The following PRRC2C variants were observed in gnomAD, a reference collection of about 807,000 sequenced individuals.
PRRC2C encodes the protein proline rich coiled-coil 2C.
Under a neutral mutation model 317.2 loss-of-function variants are expected in PRRC2C, and 72 were observed. The observed-to-expected ratio is 0.23, with a 90% CI of 0.19 to 0.28. The LOEUF (loss-of-function observed/expected upper bound fraction) is 0.28, where lower values mean the gene tolerates loss of function less well. PRRC2C is among the 10% of genes least tolerant of loss of function. The pLI is 1.00. For synonymous variants in PRRC2C, 1,296 were observed against 1,205.9 expected, an observed-to-expected ratio of 1.07 and a Z score of -1.55; for missense variants, 3,074 against 3,459.7, an observed-to-expected ratio of 0.89 and a Z score of 2.80.
chr1:171,535,285 G>A, intron 12 of PRRC2C, 143 bp from the exon 13 acceptor site: 1 of 668,696 alleles, frequency 1.5e-6, no homozygotes, highest in Non-Finnish European at 2.3e-6. Context: ...AACTACCAAT[G>A]TTAAAGTAGA....
intron 9 of PRRC2C, 67 bp downstream of exon 9, chr1:171,523,589 A>G (rs1008588849): frequency 3.1e-6 from 4 of 1,295,118 alleles, no homozygotes; most frequent in African/African-American, 1.5e-5. Context: ...TACTTATGCA[A>G]AGAAGCTTTG....
chr1:171,569,127 A>G (rs1247082879), intron 23 of PRRC2C, among the ~76,000 whole-genome samples: 2 of 152,100 alleles, frequency 1.3e-5, no homozygotes, highest in Non-Finnish European at 2.9e-5. Context: ...CTTATTTTGG[A>G]GAGAGGTATG....
intron 22 of PRRC2C, among the ~76,000 whole-genome samples, chr1:171,567,326 C>T (rs544251069): frequency 2.2e-3 from 332 of 152,086 alleles, no homozygotes; most frequent in African/African-American, 7.7e-3. Flanking sequence ...TTGAATGAAA[C>T]GTGTATCTAA....
chr1:171,574,807 TTG>T (rs373614664), intron 24 of PRRC2C, 118 bp from the exon 25 acceptor site: 61 of 915,120 alleles, frequency 6.7e-5, no homozygotes, highest in Non-Finnish European at 8.6e-5. Context: ...TTAAATATCT[TTG>T]TGTGTGTGTG....
rs145112901 is a variant in PRRC2C, at chr1:171,557,392, C to A, written c.5280C>A (p.Thr1760=). 3 of 1,551,722 alleles carry A rather than the reference C, an allele frequency of 1.9e-6. No homozygotes were observed. The African/African-American group carries it at 4.1e-5, about 21-fold the overall frequency. The stretch of plus-strand genomic sequence containing the variant: ...CTTCGGCTCCACTTCCACCTTCAAC[C>A]TCAGCTTCAGTTCCAGCCTCAACCT... The part of the protein sequence containing the change: ...PLASAPLPPS[T]SASVPASTSA... The change falls in exon 19 of 35, where the codon ACC becomes ACA. Residue 1760 remains threonine, a synonymous_variant. Coordinates refer to ENST00000647382, the MANE Select transcript of PRRC2C (RefSeq NM_001387844.1).
rs145655705 is a variant in PRRC2C, at chr1:171,524,679, A to G, written c.1056-142A>G. 8.8e-4 allele frequency: 685 copies of G among 778,486 alleles called. 7 individuals carry two copies. In the African/African-American group the frequency reaches 0.011, roughly 13 times the overall value. 48.2% of individuals were successfully genotyped at this position (778,486 alleles called of 1,614,324 possible). A position where few individuals can be genotyped will look rare whatever the true frequency, so the allele number is the denominator to read the frequency against. ...TTATTGAAAGAACAAATTAGCACTAATGGGTCACACACCCATCTCATTCCT... is the reference window on the plus strand; with the variant it reads ...TTATTGAAAGAACAAATTAGCACTAGTGGGTCACACACCCATCTCATTCCT... On this transcript the variant is annotated intron_variant, in intron 9 of 34. Coordinates refer to ENST00000647382, the MANE Select transcript of PRRC2C (RefSeq NM_001387844.1).
At chr1:171,588,971 A>C (rs1572172834) in intron 33 of PRRC2C, among the ~76,000 whole-genome samples, 1 of 152,228 alleles carries the variant, frequency 6.6e-6, no homozygotes, top group Admixed American at 6.5e-5. Context: ...CACAAACTAG[A>C]ACTGGTTCCT....
At chr1:171,487,551 G>T (rs1279408292) in intron 1 of PRRC2C, among the ~76,000 whole-genome samples, 1 of 152,064 alleles carries the variant, frequency 6.6e-6, no homozygotes, top group Non-Finnish European at 1.5e-5. Context: ...CTATTTGAGT[G>T]CTTAGAGATA....
At chr1:171,507,060 T>C (rs76720799) in intron 1 of PRRC2C, among the ~76,000 whole-genome samples, 21,382 of 151,844 alleles carry the variant, frequency 0.14, 1,480 homozygotes, top group Non-Finnish European at 0.16. Flanking sequence ...TCAGTTAAGT[T>C]ACTGGGAAAC....
chr1:171,519,699 A>G (rs2102319005), intron 6 of PRRC2C, among the ~76,000 whole-genome samples: 1 of 152,092 alleles, frequency 6.6e-6, no homozygotes, highest in South Asian at 2.1e-4. Flanking sequence ...AAGACTCATT[A>G]CTCTCATAGG....
At position 171,577,541 on chromosome 1, in the gene PRRC2C, C is replaced by A. The variant is rs1187728491; in HGVS notation, c.7063C>A (p.Pro2355Thr). ...KPQQLQTSSL[P>T]SASHFSQLSC... ...TCAGCAGTTACAGACAAGCAGCCTG[C>A]CTTCTGCAAGTCATTTTTCACAGTT... The change falls in exon 26 of 35, where the codon CCT (proline) becomes ACT (threonine). Residue 2355 changes from proline to threonine, a missense_variant. Coordinates refer to ENST00000647382, the MANE Select transcript of PRRC2C (RefSeq NM_001387844.1). 1 of 1,613,370 alleles carries A rather than the reference C, an allele frequency of 6.2e-7. No homozygotes were observed. The highest frequency in any genetic ancestry group is 8.5e-7 in the Non-Finnish European group (1 of 1,179,490).
At chr1:171,545,736 T>TATTA in intron 17 of PRRC2C, 49 bp downstream of exon 17, 1 of 1,089,710 alleles carries the variant, frequency 9.2e-7, no homozygotes, top group East Asian at 3.3e-5. Context: ...TTTATTTATT[T>TATTA]ATTTATTTAT....
At chr1:171,549,958 C>T (rs1313518542) in intron 17 of PRRC2C, 128 bp from the exon 18 acceptor site, 1 of 644,874 alleles carries the variant, frequency 1.6e-6, no homozygotes, top group Non-Finnish European at 2.4e-6. Flanking sequence ...AGGTTATACA[C>T]TATAAGTTAT....
At chr1:171,535,699 A>C in intron 13 of PRRC2C, 102 bp downstream of exon 13, 1 of 1,317,180 alleles carries the variant, frequency 7.6e-7, no homozygotes, top group Non-Finnish European at 1.0e-6. Flanking sequence ...AAAGCACACA[A>C]AGTTCCCTTG....
At chr1:171,528,327 C>G (rs1349945464) in intron 11 of PRRC2C, among the ~76,000 whole-genome samples, 1 of 146,590 alleles carries the variant, frequency 6.8e-6, no homozygotes. Context: ...CTAGCTCTGT[C>G]GCCCAGGCCG....
intron 1 of PRRC2C, among the ~76,000 whole-genome samples, chr1:171,500,154 A>G (rs953827510): frequency 1.4e-4 from 22 of 152,318 alleles, no homozygotes; most frequent in African/African-American, 4.3e-4. Context: ...TTAGAAACCC[A>G]TTGTGGCCAG....
At position 171,532,964 on chromosome 1, in the gene PRRC2C, T is replaced by A. The variant is rs1161696627; in HGVS notation, c.1873+3T>A. The A allele has an allele frequency of 1.3e-6, 2 of 1,536,104 alleles. No individual in the cohort carries two copies. The highest frequency in any genetic ancestry group is 4.6e-5 in the East Asian group (2 of 43,760). Reference sequence around the variant, plus strand: ...AAGTGAAAACAGCTGTAATAAAGGTTTGATAGTATTCTTCATTCTCTTTTA... The same window carrying A: ...AAGTGAAAACAGCTGTAATAAAGGTATGATAGTATTCTTCATTCTCTTTTA... On this transcript the variant is annotated splice_donor_region_variant and intron_variant, in intron 12 of 34. Coordinates refer to ENST00000647382, the MANE Select transcript of PRRC2C (RefSeq NM_001387844.1).
intron 24 of PRRC2C, among the ~76,000 whole-genome samples, chr1:171,574,535 C>T (rs1055543796): frequency 6.6e-6 from 1 of 152,170 alleles, no homozygotes; most frequent in Non-Finnish European, 1.5e-5. Context: ...TATCTTGTTA[C>T]CTTGCCTTTT....
At chr1:171,556,046 C>G (rs950479427) in intron 18 of PRRC2C, among the ~76,000 whole-genome samples, 1 of 152,178 alleles carries the variant, frequency 6.6e-6, no homozygotes, top group Non-Finnish European at 1.5e-5. Context: ...TCTACAGAGT[C>G]AGGCAGGCCT....
Sources: gnomAD v4.1 joint callset for allele counts (sites outside exome capture counted in the v4.1 genomes callset) on GRCh38, gnomAD v4.1.1 for gene constraint, MANE v1.5 for transcripts, NCBI Gene and HGNC (gene_info 2026-07-23, HGNC 2026-07-21) for gene names.